SLC24A4: variants seen among roughly 807,000 people sequenced by gnomAD.
SLC24A4 encodes solute carrier family 24 member 4.
Under a neutral mutation model 79.0 loss-of-function variants are expected in SLC24A4, and 53 were observed. The observed-to-expected ratio is 0.67, with a 90% CI of 0.54 to 0.84. The LOEUF (loss-of-function observed/expected upper bound fraction) is 0.84, where lower values mean the gene tolerates loss of function less well. SLC24A4 is among the 40% of genes least tolerant of loss of function. SLC24A4 has a pLI of 0.00. For missense variants in SLC24A4, 731 were observed against 822.0 expected (o/e 0.89, Z 1.35); for synonymous variants, 323 against 323.8 (o/e 1.00, Z 0.03).
At chr14:92,417,063 A>G (rs1370645566) in intron 2 of SLC24A4, among the ~76,000 whole-genome samples, 2 of 152,196 alleles carry the variant, frequency 1.3e-5, no homozygotes, top group South Asian at 2.1e-4. Context: ...TTTTCTACCT[A>G]TAGTCTTTCT....
chr14:92,346,570 A>T (rs1886543553), intron 2 of SLC24A4, among the ~76,000 whole-genome samples: 1 of 152,210 alleles, frequency 6.6e-6, no homozygotes, highest in Admixed American at 6.5e-5. Flanking sequence ...TAAACAAATT[A>T]AAAAGGCCTT....
intron 2 of SLC24A4, among the ~76,000 whole-genome samples, chr14:92,343,653 T>TCTCCTTCCTTCC (rs1886336411): frequency 2.9e-5 from 1 of 34,214 alleles, no homozygotes; most frequent in Non-Finnish European, 7.9e-5. Context: ...TCTTTCCTTC[T>TCTCCTTCCTTCC]TTCCTTCCTT....
At chr14:92,476,305 C>T (rs1417680562) in intron 12 of SLC24A4, among the ~76,000 whole-genome samples, 1 of 152,102 alleles carries the variant, frequency 6.6e-6, no homozygotes, top group Non-Finnish European at 1.5e-5. Context: ...TTGGACAAAC[C>T]AATCAAGGCA....
At chr14:92,469,625 A>G in intron 12 of SLC24A4, among the ~76,000 whole-genome samples, 1 of 152,246 alleles carries the variant, frequency 6.6e-6, no homozygotes, top group East Asian at 1.9e-4. Flanking sequence ...AAGAGTTCAT[A>G]GCAGCATTAT....
At position 92,439,326 on chromosome 14, in the gene SLC24A4, C is replaced by T; in HGVS notation, c.319-9C>T. The T allele has an allele frequency of 6.2e-7, 1 of 1,611,998 alleles. No individual in the cohort carries two copies. The highest frequency in any genetic ancestry group is 1.7e-4 in the Middle Eastern group (1 of 6,050). The stretch of plus-strand genomic sequence containing the variant: ...CACCGACCCTGCCTGTCTCCTCTCT[C>T]CTTTGCAGGCTCTGTATATGTTCTA... On this transcript the variant is annotated splice_polypyrimidine_tract_variant and intron_variant, in intron 3 of 16. Transcript: ENST00000532405.
At chr14:92,450,613 T>C (rs1052280414) in intron 10 of SLC24A4, 7 of 152,404 alleles carry the variant, frequency 4.6e-5, no homozygotes, top group African/African-American at 1.7e-4. Flanking sequence ...TGTCGGATTT[T>C]AGCTCTATGG....
chr14:92,472,164 TC>T (rs1213595684), intron 12 of SLC24A4, among the ~76,000 whole-genome samples: 1 of 152,164 alleles, frequency 6.6e-6, no homozygotes, highest in Non-Finnish European at 1.5e-5. Context: ...GAGGCAACAT[TC>T]CTCTCTGCCT....
intron 2 of SLC24A4, among the ~76,000 whole-genome samples, chr14:92,375,375 C>T (rs1272120118): frequency 6.6e-6 from 1 of 152,164 alleles, no homozygotes; most frequent in Admixed American, 6.5e-5. Flanking sequence ...AAATGGCGCT[C>T]CTGTGGAGAA....
intron 2 of SLC24A4, among the ~76,000 whole-genome samples, chr14:92,418,736 C>G (rs944520127): frequency 1.3e-5 from 2 of 152,172 alleles, no homozygotes; most frequent in Non-Finnish European, 1.5e-5. Context: ...GAGTCTCACT[C>G]TATCCCCCAG....
intron 13 of SLC24A4, among the ~76,000 whole-genome samples, chr14:92,486,327 A>G (rs564753463): frequency 3.3e-5 from 5 of 152,264 alleles, no homozygotes; most frequent in Admixed American, 6.5e-5. Context: ...CTGGACTTGA[A>G]TCTGCTTCCT....
At chr14:92,435,889 G>A (rs1892138880) in intron 3 of SLC24A4, among the ~76,000 whole-genome samples, 1 of 152,030 alleles carries the variant, frequency 6.6e-6, no homozygotes, top group South Asian at 2.1e-4. Flanking sequence ...GTGGCTAATT[G>A]GTCCCACAGT....
chr14:92,365,564 C>A (rs1005396582), intron 2 of SLC24A4, among the ~76,000 whole-genome samples: 1 of 152,226 alleles, frequency 6.6e-6, no homozygotes, highest in African/African-American at 2.4e-5. Context: ...TTCCCTCAGA[C>A]CCTTCCCCTC....
intron 2 of SLC24A4, among the ~76,000 whole-genome samples, chr14:92,393,389 T>C (rs1889592598): frequency 6.6e-6 from 1 of 151,902 alleles, no homozygotes; most frequent in African/African-American, 2.4e-5. Flanking sequence ...GTCCTGGGAG[T>C]TCCCTTCATT....
chr14:92,400,916 G>A (rs903570756), intron 2 of SLC24A4, among the ~76,000 whole-genome samples: 2 of 152,166 alleles, frequency 1.3e-5, no homozygotes, highest in African/African-American at 2.4e-5. Context: ...AGTTACTGAC[G>A]AAAGGCAGAA....
chr14:92,459,462 T>C (rs941703369), intron 12 of SLC24A4, among the ~76,000 whole-genome samples: 5 of 152,162 alleles, frequency 3.3e-5, no homozygotes, highest in Non-Finnish European at 5.9e-5. Flanking sequence ...CAGGACTTCC[T>C]GCTAGATAGG....
chr14:92,434,119 C>T (rs987824497), intron 3 of SLC24A4, 131 bp downstream of exon 3: 3 of 724,844 alleles, frequency 4.1e-6, no homozygotes, highest in Non-Finnish European at 7.4e-6. Context: ...GGAGACTGGG[C>T]ATGTTTTACC....
intron 2 of SLC24A4, among the ~76,000 whole-genome samples, chr14:92,368,778 C>T (rs1421850588): frequency 1.3e-5 from 2 of 152,080 alleles, no homozygotes; most frequent in Non-Finnish European, 2.9e-5. Context: ...TCCTTCCCCT[C>T]GTCTAGGCAG....
intron 2 of SLC24A4, among the ~76,000 whole-genome samples, chr14:92,391,120 T>C (rs1001262290): frequency 1.3e-5 from 2 of 152,110 alleles, no homozygotes; most frequent in African/African-American, 4.8e-5. Context: ...CCCACCTACA[T>C]GCAAGGGGGC....
At chr14:92,428,759 A>G (rs1891702095) in intron 2 of SLC24A4, among the ~76,000 whole-genome samples, 1 of 152,246 alleles carries the variant, frequency 6.6e-6, no homozygotes, top group Admixed American at 6.5e-5. Context: ...GACCACCAGC[A>G]TTCAGTTCAG....
Sources: gnomAD v4.1 joint callset for allele counts (sites outside exome capture counted in the v4.1 genomes callset) on GRCh38, gnomAD v4.1.1 for gene constraint, MANE v1.5 for transcripts, NCBI Gene and HGNC (gene_info 2026-07-23, HGNC 2026-07-21) for gene names.